Variants in EXOC4 observed in about 807,000 individuals in gnomAD.
EXOC4 encodes SEC8-like 1.
In EXOC4, 71 loss-of-function variants were observed where a neutral mutation model predicts 107.2. The ratio of observed to expected loss-of-function variants is 0.66; its 90% CI spans 0.55 to 0.81. The LOEUF (loss-of-function observed/expected upper bound fraction) is 0.81. Ranked by LOEUF, EXOC4 falls within the 30% of genes least tolerant of loss-of-function variation. The probability of loss-of-function intolerance (pLI) is 0.00; values close to 1 mark genes in which losing one functional copy is unlikely to be tolerated. For synonymous variants in EXOC4, 456 were observed against 441.2 expected (o/e 1.03, Z -0.42); for missense variants, 1,108 against 1,189.6 (o/e 0.93, Z 1.01).
chr7:133,688,849 G>A (rs1272775487), intron 10 of EXOC4, among the ~76,000 whole-genome samples: 2 of 152,096 alleles, frequency 1.3e-5, no homozygotes, highest in Admixed American at 6.6e-5. Flanking sequence ...TTAACCAATG[G>A]TATCTCATCT....
chr7:133,376,255 A>G (rs908870975), intron 7 of EXOC4, among the ~76,000 whole-genome samples: 9 of 152,164 alleles, frequency 5.9e-5, no homozygotes, highest in Admixed American at 1.3e-4. Context: ...TGCTTTGTCA[A>G]TTGCCATGCC....
intron 10 of EXOC4, among the ~76,000 whole-genome samples, chr7:133,750,651 G>A (rs2151138117): frequency 1.3e-5 from 2 of 151,856 alleles, no homozygotes; most frequent in South Asian, 4.2e-4. Context: ...CACAGTCATG[G>A]CTCACTGCAA....
intron 10 of EXOC4, among the ~76,000 whole-genome samples, chr7:133,730,753 T>C (rs1016138246): frequency 3.3e-5 from 5 of 152,190 alleles, no homozygotes; most frequent in East Asian, 1.9e-4. Context: ...AATACCAACA[T>C]TGAATATCAA....
At chr7:133,963,345 G>A (rs1032022042) in intron 14 of EXOC4, among the ~76,000 whole-genome samples, 3 of 152,180 alleles carry the variant, frequency 2.0e-5, no homozygotes, top group Non-Finnish European at 4.4e-5. Flanking sequence ...ATACATTAAG[G>A]GTTTAGGGTA....
Position 133,801,697 on chromosome 7 carries a change from G to A in EXOC4, c.1515-15628G>A, listed in dbSNP as rs568343566. On this transcript the variant is annotated intron_variant, in intron 10 of 17. Coordinates refer to ENST00000253861, the MANE Select transcript of EXOC4 (RefSeq NM_021807.4). ...TTATTCTTCGACTTCTGTCACTGAAGAACTCAGAGGCAAAAGATGCTCAGC... is the reference window on the plus strand; with the variant it reads ...TTATTCTTCGACTTCTGTCACTGAAAAACTCAGAGGCAAAAGATGCTCAGC... Among the ~76,000 whole-genome samples, 3 of 152,342 alleles carry A rather than the reference G, an allele frequency of 2.0e-5. No homozygotes were observed. In the East Asian group the frequency reaches 5.8e-4, roughly 29 times the overall value.
chr7:133,772,110 A>G (rs1796255563), intron 10 of EXOC4, among the ~76,000 whole-genome samples: 1 of 151,884 alleles, frequency 6.6e-6, no homozygotes, highest in Non-Finnish European at 1.5e-5. Context: ...CCGTAACTGA[A>G]ATCGGTTGCC....
chr7:133,704,421 G>A (rs1794726046), intron 10 of EXOC4, among the ~76,000 whole-genome samples: 1 of 152,156 alleles, frequency 6.6e-6, no homozygotes, highest in East Asian at 1.9e-4. Context: ...CTGCTATTCA[G>A]TTTCTCCAAC....
chr7:133,824,871 C>T (rs575388785), intron 11 of EXOC4, among the ~76,000 whole-genome samples: 9 of 152,236 alleles, frequency 5.9e-5, no homozygotes, highest in East Asian at 5.8e-4. Flanking sequence ...TAATCCAGGA[C>T]GATCTCATCT....
intron 10 of EXOC4, among the ~76,000 whole-genome samples, chr7:133,740,921 A>G (rs1795550792): frequency 6.6e-6 from 1 of 152,178 alleles, no homozygotes; most frequent in Non-Finnish European, 1.5e-5. Context: ...GAGGTATAAT[A>G]GCTAGAGTGG....
intron 9 of EXOC4, among the ~76,000 whole-genome samples, chr7:133,593,505 A>G (rs964885258): frequency 2.0e-5 from 3 of 152,208 alleles, no homozygotes; most frequent in African/African-American, 2.4e-5. Flanking sequence ...ATGGGAATCA[A>G]TGTGTTTTGG....
At chr7:134,090,774 T>G in the EXOC4 span, among the ~76,000 whole-genome samples, 1 of 151,974 alleles carries the variant, frequency 6.6e-6, no homozygotes, top group Non-Finnish European at 1.5e-5. Context: ...ACATGCCTGA[T>G]CCTGTCACCC....
intron 6 of EXOC4, among the ~76,000 whole-genome samples, chr7:133,361,569 A>G (rs766513314): frequency 3.9e-5 from 6 of 152,292 alleles, no homozygotes; most frequent in Non-Finnish European, 7.4e-5. Context: ...ACTGTTGCCA[A>G]CTGTGCTTTG....
intron 9 of EXOC4, among the ~76,000 whole-genome samples, chr7:133,589,770 G>A (rs184675631): frequency 2.0e-5 from 3 of 152,150 alleles, no homozygotes; most frequent in East Asian, 3.9e-4. Context: ...GTCTGCTGCC[G>A]TAGGCATCAT....
intron 9 of EXOC4, among the ~76,000 whole-genome samples, chr7:133,515,602 G>T (rs1196598772): frequency 6.6e-6 from 1 of 152,038 alleles, no homozygotes; most frequent in African/African-American, 2.4e-5. Flanking sequence ...CCCATTAGCT[G>T]GGTCTGTAGG....
At chr7:133,767,974 G>A (rs1233705862) in intron 10 of EXOC4, 1 of 152,008 alleles carries the variant, frequency 6.6e-6, no homozygotes, top group Non-Finnish European at 1.5e-5. Flanking sequence ...TAAATGGAAT[G>A]TGTAAGTACC....
chr7:134,084,043 T>C, the EXOC4 span, among the ~76,000 whole-genome samples: 1 of 152,212 alleles, frequency 6.6e-6, no homozygotes, highest in Non-Finnish European at 1.5e-5. Flanking sequence ...CCTTATGCTA[T>C]CACTCTAATA....
At chr7:133,967,231 A>G (rs1801091885) in intron 14 of EXOC4, among the ~76,000 whole-genome samples, 1 of 152,064 alleles carries the variant, frequency 6.6e-6, no homozygotes, top group Non-Finnish European at 1.5e-5. Context: ...TAGTCTGGCT[A>G]GCGGTCTATC....
At chr7:133,441,835 G>GT (rs1563067354) in intron 7 of EXOC4, among the ~76,000 whole-genome samples, 4 of 151,958 alleles carry the variant, frequency 2.6e-5, no homozygotes, top group African/African-American at 7.3e-5. Flanking sequence ...GTGTGTGGGG[G>GT]GTGTGTGTGT....
intron 10 of EXOC4, among the ~76,000 whole-genome samples, chr7:133,690,508 C>T (rs571719241): frequency 6.6e-6 from 1 of 152,268 alleles, no homozygotes; most frequent in East Asian, 1.9e-4. Flanking sequence ...ATCATTCCTG[C>T]TCTAGGCTTT....
Sources: gnomAD v4.1 joint callset for allele counts (sites outside exome capture counted in the v4.1 genomes callset) on GRCh38, gnomAD v4.1.1 for gene constraint, MANE v1.5 for transcripts, NCBI Gene and HGNC (gene_info 2026-07-23, HGNC 2026-07-21) for gene names.